The following SLC13A4 variants were observed in gnomAD, a reference collection of about 807,000 sequenced individuals.
The protein encoded by SLC13A4 is solute carrier family 13 member 4.
SLC13A4 carries 28 observed loss-of-function variants against 72.7 expected under a neutral mutation model. The observed-to-expected ratio is 0.39, with a 90% CI of 0.29 to 0.53. SLC13A4 has a LOEUF of 0.53. Among genes scored for constraint, SLC13A4 ranks in the 20% least tolerant of loss-of-function variants. SLC13A4 has a pLI of 0.78. For synonymous variants in SLC13A4, 312 were observed against 325.5 expected, an observed-to-expected ratio of 0.96 and a Z score of 0.45; for missense variants, 653 against 788.0, an observed-to-expected ratio of 0.83 and a Z score of 2.05.
intron 11 of SLC13A4, 55 bp from the exon 12 acceptor site, chr7:135,691,700 C>G: frequency 2.4e-6 from 3 of 1,249,654 alleles, no homozygotes; most frequent in Non-Finnish European, 3.5e-6. Flanking sequence ...TCAGGAGTAA[C>G]ATGATGTCTC....
rs774665512 is a variant in SLC13A4, at chr7:135,681,543, G to A, written c.*20C>T. The A allele has an allele frequency of 1.9e-6, 3 of 1,608,524 alleles. No homozygotes were observed. The highest frequency in any genetic ancestry group is 1.1e-5 in the South Asian group (1 of 90,202). On this transcript the variant is annotated 3_prime_UTR_variant, in exon 16 of 16. Transcript: ENST00000682651. ...GGATACTGGCAGCTCCTGTGGTTGG[G>A]CCAGTTTGTACACTTGGCGTTAGGC...
Position 135,681,336 on chromosome 7 carries a change from G to T in SLC13A4, c.*227C>A. 2.4e-6 allele frequency: 1 copy of T among 411,548 alleles called. No individual in the cohort carries two copies. The highest frequency in any genetic ancestry group is 1.1e-4 in the South Asian group (1 of 9,424). 25.5% of individuals were successfully genotyped at this position (411,548 alleles called of 1,614,324 possible). A position where few individuals can be genotyped will look rare whatever the true frequency, so the allele number is the denominator to read the frequency against. ...GAAACTTTAGGTTTTCTTGAGCTGT[G>T]GTGCTGAGGGCAGGAAGAAGACACT... On this transcript the variant is annotated 3_prime_UTR_variant, in exon 16 of 16. Coordinates refer to ENST00000682651, the MANE Select transcript of SLC13A4 (RefSeq NM_001318192.2).
At position 135,681,604 on chromosome 7, in the gene SLC13A4, G is replaced by T. The variant is rs1259052418; in HGVS notation, c.1843C>A (p.Pro615Thr). The change falls in exon 16 of 16, where the codon CCA (proline) becomes ACA (threonine). Residue 615 changes from proline to threonine, a missense_variant. Physicochemically the swap from Pro to Thr is conservative, Grantham distance 38. Transcript: ENST00000682651. ...GVSLFHLDTY[P>T]AWARVSNITD... ...ATGTTGCTGACCCTCGCCCATGCTG[G>T]GTAAGTGTCCAGGTGGAAGAGGCTA... The T allele has an allele frequency of 6.2e-7, 1 of 1,614,010 alleles. No homozygotes were observed. The highest frequency in any genetic ancestry group is 8.5e-7 in the Non-Finnish European group (1 of 1,180,016).
intron 4 of SLC13A4, 153 bp from the exon 5 acceptor site, chr7:135,705,803 A>G (rs983417157): frequency 2.8e-5 from 19 of 681,958 alleles, no homozygotes; most frequent in African/African-American, 2.0e-4. Context: ...AATGGGGCTC[A>G]TGGATGCAGA....
intron 1 of SLC13A4, among the ~76,000 whole-genome samples, chr7:135,724,125 C>T (rs1162468139): frequency 6.6e-6 from 1 of 152,096 alleles, no homozygotes; most frequent in African/African-American, 2.4e-5. Flanking sequence ...CTTCCTGGAA[C>T]CCTTAGTCTT....
At position 135,691,385 on chromosome 7, in the gene SLC13A4, G is replaced by C. The variant is rs774696555; in HGVS notation, c.1322-60C>G. On this transcript the variant is annotated intron_variant, in intron 12 of 15. Transcript: ENST00000682651. The stretch of plus-strand genomic sequence containing the variant: ...CTGATGGACGTGATTTGTGGAGACA[G>C]GAGCCTAATTGGTGAAGTGGATGAT... The C allele has an allele frequency of 1.2e-5, 19 of 1,550,738 alleles. No homozygotes were observed. In the East Asian group the frequency reaches 3.8e-4, roughly 31 times the overall value.
chr7:135,711,510 G>C (rs949077767), intron 2 of SLC13A4, among the ~76,000 whole-genome samples: 2 of 152,168 alleles, frequency 1.3e-5, no homozygotes, highest in Non-Finnish European at 2.9e-5. Context: ...CCACAGCAGT[G>C]CTATGAAGCA....
At chr7:135,696,447 C>G (rs1212830818) in intron 8 of SLC13A4, among the ~76,000 whole-genome samples, 1 of 152,092 alleles carries the variant, frequency 6.6e-6, no homozygotes, top group Non-Finnish European at 1.5e-5. Flanking sequence ...CTTCTGGGTT[C>G]AAGCAATTCT....
intron 13 of SLC13A4, 84 bp from the exon 14 acceptor site, chr7:135,685,767 G>A: frequency 4.6e-6 from 6 of 1,293,122 alleles, no homozygotes; most frequent in Non-Finnish European, 6.5e-6. Flanking sequence ...GGTCAGGGAT[G>A]TTGGAAGGCT....
At chr7:135,683,591 T>C in intron 15 of SLC13A4, 1 of 985,424 alleles carries the variant, frequency 1.0e-6, no homozygotes, top group South Asian at 4.7e-5. Context: ...CAAAGCCATC[T>C]TTTGTGAGCC....
intron 5 of SLC13A4, 84 bp from the exon 6 acceptor site, chr7:135,702,968 G>A: frequency 2.0e-6 from 2 of 976,036 alleles, no homozygotes; most frequent in African/African-American, 1.6e-5. Context: ...GGCGTTTGGT[G>A]TAAGGGACTT....
intron 8 of SLC13A4, among the ~76,000 whole-genome samples, chr7:135,698,507 G>A (rs779585897): frequency 6.8e-6 from 1 of 148,008 alleles, no homozygotes; most frequent in East Asian, 2.0e-4. Context: ...GTTAACTTTT[G>A]TATTTTTAGT....
At chr7:135,692,206 G>C in intron 11 of SLC13A4, 117 bp downstream of exon 11, 2 of 785,820 alleles carry the variant, frequency 2.5e-6, no homozygotes, top group Non-Finnish European at 2.2e-6. Context: ...AAAAAGAGTG[G>C]ATTTCCTGGG....
intron 9 of SLC13A4, 56 bp downstream of exon 9, chr7:135,695,312 G>A: frequency 1.2e-6 from 2 of 1,608,312 alleles, no homozygotes; most frequent in Non-Finnish European, 1.7e-6. Context: ...CCATGCCATG[G>A]CCTTTGGATC....
In SLC13A4 at chr7:135,704,409, G is replaced by GC. The variant is rs145509114; in HGVS notation, c.593+1186dup. 8.5e-3 allele frequency: 1,302 copies of GC among 152,684 alleles called. 23 individuals are homozygous for GC. Among genetic ancestry groups the GC allele is most frequent in the South Asian group, 0.059 (284 of 4,844 alleles). 9.5% of individuals were successfully genotyped at this position (152,684 alleles called of 1,614,324 possible). ...AGGGCACCAACCCCAGACCTCAATAGCCCCCATCCAGACCCTTCTCACCCA... is the reference window on the plus strand; with the variant it reads ...AGGGCACCAACCCCAGACCTCAATAGCCCCCCATCCAGACCCTTCTCACCCA... On this transcript the variant is annotated intron_variant, in intron 5 of 15. Coordinates refer to ENST00000682651, the MANE Select transcript of SLC13A4 (RefSeq NM_001318192.2).
At chr7:135,691,495 T>G (rs1194421518) in intron 12 of SLC13A4, 53 bp downstream of exon 12, 2 of 1,542,630 alleles carry the variant, frequency 1.3e-6, no homozygotes, top group African/African-American at 1.4e-5. Context: ...AGTATTAGTC[T>G]GATTTGGGTA....
intron 3 of SLC13A4, 102 bp downstream of exon 3, chr7:135,708,009 AAAC>A (rs1421909836): frequency 7.0e-7 from 1 of 1,435,304 alleles, no homozygotes; most frequent in Non-Finnish European, 9.5e-7. Flanking sequence ...TTTGGTAAAA[AAAC>A]AGCTGAAGTG....
chr7:135,694,035 C>A (rs537204141), intron 10 of SLC13A4, 102 bp downstream of exon 10: 4 of 742,846 alleles, frequency 5.4e-6, no homozygotes, highest in South Asian at 1.6e-5. Flanking sequence ...GTGGAAAATT[C>A]TCCCAGTGTC....
intron 5 of SLC13A4, chr7:135,704,783 G>A (rs938181075): frequency 6.6e-5 from 10 of 152,216 alleles, no homozygotes; most frequent in South Asian, 4.1e-4. Flanking sequence ...AATCCAATAT[G>A]CTATGATTGA....
Sources: allele counts gnomAD v4.1 joint callset (sites outside exome capture counted in the v4.1 genomes callset), GRCh38; gene constraint gnomAD v4.1.1; transcripts MANE v1.5; gene names NCBI Gene and HGNC (gene_info 2026-07-23, HGNC 2026-07-21).